SEC14L1: variants seen among roughly 807,000 people sequenced by gnomAD.
SEC14L1 encodes SEC14-like protein 1.
SEC14L1 carries 48 observed loss-of-function variants against 85.3 expected under a neutral mutation model. That is an observed-to-expected ratio of 0.56 (90% CI 0.45 to 0.72). The LOEUF is 0.72. SEC14L1 is among the 30% of genes least tolerant of loss of function. The pLI is 0.00. For synonymous variants in SEC14L1, 391 were observed against 355.5 expected (o/e 1.10, Z -1.12); for missense variants, 682 against 921.4 (o/e 0.74, Z 3.36).
At position 77,206,723 on chromosome 17, in the gene SEC14L1, C is replaced by G; in HGVS notation, c.1342-5C>G. 6.3e-7 allele frequency: 1 copy of G among 1,596,946 alleles called. No homozygotes were observed. The highest frequency in any genetic ancestry group is 8.5e-7 in the Non-Finnish European group (1 of 1,174,004). ...TATGACTGCATGGTCTTCTCCTCCT[C>G]ACAGGTTAGTCCGTTCATTGATGAC... On this transcript the variant is annotated splice_region_variant and splice_polypyrimidine_tract_variant and intron_variant, in intron 12 of 16. Coordinates refer to ENST00000436233, the MANE Select transcript of SEC14L1 (RefSeq NM_001143998.2). This position sits in a 1 kb window ranked among gnomAD's most constrained non-coding sequence, Gnocchi z 4.3.
chr17:77,190,598 T>G (rs1277736363), intron 3 of SEC14L1, among the ~76,000 whole-genome samples: 1 of 152,172 alleles, frequency 6.6e-6, no homozygotes, highest in Non-Finnish European at 1.5e-5. Flanking sequence ...TGGGGAGAAT[T>G]GAGATCTTTA....
intron 7 of SEC14L1, among the ~76,000 whole-genome samples, chr17:77,195,910 A>AT (rs1453778161): frequency 8.5e-5 from 13 of 152,254 alleles, no homozygotes; most frequent in Admixed American, 8.5e-4. Flanking sequence ...TAAAACAGTC[A>AT]TTAATATCTA....
chr17:77,151,613 C>A (rs1334738447), intron 3 of SEC14L1, among the ~76,000 whole-genome samples: 2 of 152,140 alleles, frequency 1.3e-5, no homozygotes, highest in African/African-American at 4.8e-5. Context: ...ACAAACAAAC[C>A]CCAAAACCTT....
chr17:77,183,030 C>G (rs1975106456), intron 3 of SEC14L1, among the ~76,000 whole-genome samples: 2 of 152,214 alleles, frequency 1.3e-5, no homozygotes, highest in South Asian at 2.1e-4. Context: ...TTCGGGCAGA[C>G]CTAAAATTTG....
At chr17:77,136,038 A>G (rs1353741822), upstream of SEC14L1, among the ~76,000 whole-genome samples, 1 of 145,102 alleles carries the variant, frequency 6.9e-6, no homozygotes, top group Non-Finnish European at 1.5e-5. Flanking sequence ...ACGCCCGGCT[A>G]ATTTTTTTTT....
At chr17:77,096,057 T>G (rs1053160928) in intron 3 of SEC14L1, among the ~76,000 whole-genome samples, 8 of 141,744 alleles carry the variant, frequency 5.6e-5, no homozygotes, top group African/African-American at 1.5e-4. Flanking sequence ...CAGTCAGTCT[T>G]TTTTTTTTTT....
chr17:77,213,753 G>T lies in SEC14L1; in HGVS notation c.2043-165G>T. 1.0e-6 allele frequency: 1 copy of T among 957,736 alleles called. No homozygotes were observed. The highest frequency in any genetic ancestry group is 1.6e-6 in the Non-Finnish European group (1 of 614,324). The allele number at this position is 957,736 out of a possible 1,614,324, so 59.3% of individuals were successfully genotyped here. On this transcript the variant is annotated intron_variant, in intron 16 of 16. Coordinates refer to ENST00000436233, the MANE Select transcript of SEC14L1 (RefSeq NM_001143998.2). The surrounding 1 kb of genome is among the most constrained non-coding windows in gnomAD (Gnocchi z 7.1). Reference sequence around the variant, plus strand: ...GTCTGCGTGCAGGCTGTGGGAAGCCGGTCCCCCTGGTGGGTTACTCATGTC... The same window carrying T: ...GTCTGCGTGCAGGCTGTGGGAAGCCTGTCCCCCTGGTGGGTTACTCATGTC...
chr17:77,107,984 T>C (rs1015821863), intron 3 of SEC14L1, among the ~76,000 whole-genome samples: 4 of 152,188 alleles, frequency 2.6e-5, no homozygotes, highest in African/African-American at 9.6e-5. Context: ...GCTCCAGCGA[T>C]CCTCTCACCT....
chr17:77,160,345 G>A (rs1974004733), intron 3 of SEC14L1, among the ~76,000 whole-genome samples: 1 of 152,152 alleles, frequency 6.6e-6, no homozygotes, highest in Admixed American at 6.5e-5. Flanking sequence ...GATCTGAAGG[G>A]GAATATGCAC....
intron 15 of SEC14L1, among the ~76,000 whole-genome samples, chr17:77,212,496 C>A (rs1380162458): frequency 2.0e-5 from 3 of 152,214 alleles, no homozygotes; most frequent in Non-Finnish European, 4.4e-5. Context: ...ATTTTTCCCC[C>A]CCGCCTCATT....
chr17:77,215,747 TTAGTAGGTAGGGCTAGTAGGTAGGGC>T lies in SEC14L1; in HGVS notation c.*1737_*1762del, dbSNP rs1309760061. On this transcript the variant is annotated 3_prime_UTR_variant, in exon 17 of 17. Transcript: ENST00000436233. ...TCGTAGGTAGGGCTAGTAGGTAGGGTTAGTAGGTAGGGCTAGTAGGTAGGGCTAGTAGGTAGGGTTCGTAGGTAGGG... is the reference window on the plus strand; with the variant it reads ...TCGTAGGTAGGGCTAGTAGGTAGGGTTAGTAGGTAGGGTTCGTAGGTAGGG... 1.3e-5 allele frequency: 13 copies of T among 982,896 alleles called. No homozygotes were observed. The highest frequency in any genetic ancestry group is 3.6e-5 in the African/African-American group (2 of 54,806). The allele number at this position is 982,896 out of a possible 1,614,324, so 60.9% of individuals were successfully genotyped here.
intron 2 of SEC14L1, among the ~76,000 whole-genome samples, chr17:77,092,882 A>T (rs1598208224): frequency 7.2e-6 from 1 of 138,880 alleles, no homozygotes; most frequent in Non-Finnish European, 1.5e-5. Flanking sequence ...CGGGAGGCGG[A>T]GGTTGCGGTG....
chr17:77,186,846 C>T (rs148188026), intron 3 of SEC14L1, among the ~76,000 whole-genome samples: 416 of 152,232 alleles, frequency 2.7e-3, no homozygotes, highest in African/African-American at 9.8e-3. Context: ...GCTACTTGTA[C>T]CTTGTCAGAA....
chr17:77,213,240 C>T lies in SEC14L1; in HGVS notation c.1864-74C>T, dbSNP rs1195579748. ...GAAATCCTAAAGACAGTCCCCTTGG[C>T]GCTTGTCAGGCCTGTGGTAGGCCAG... is the stretch of plus-strand genomic sequence containing the variant. On this transcript the variant is annotated intron_variant, in intron 15 of 16. Transcript: ENST00000436233. The surrounding 1 kb of genome is among the most constrained non-coding windows in gnomAD (Gnocchi z 7.1). The T allele has an allele frequency of 4.1e-5, 53 of 1,305,414 alleles. No individual in the cohort carries two copies. Among genetic ancestry groups the T allele is most frequent in the South Asian group, 5.6e-5 (4 of 71,262 alleles). The allele number at this position is 1,305,414 out of a possible 1,614,324, so 80.9% of individuals were successfully genotyped here.
At chr17:77,191,700 G>A (rs1218979165) in intron 5 of SEC14L1, among the ~76,000 whole-genome samples, 2 of 151,920 alleles carry the variant, frequency 1.3e-5, no homozygotes, top group African/African-American at 2.4e-5. Context: ...GCGCCACCAC[G>A]CCAGGCTGAT....
rs764712443 is a variant in SEC14L1, at chr17:77,191,332, G to A, written c.345+20G>A. 1.1e-5 allele frequency: 18 copies of A among 1,613,460 alleles called. No individual in the cohort carries two copies. Among genetic ancestry groups the A allele is most frequent in the African/African-American group, 5.3e-5 (4 of 74,998 alleles). On this transcript the variant is annotated intron_variant, in intron 5 of 16. Transcript: ENST00000436233. ...TACACCGTGAGTAATCTGTCACTCGGCGGAAGATGTTCTGCCGACATATGG... is the reference window on the plus strand; with the variant it reads ...TACACCGTGAGTAATCTGTCACTCGACGGAAGATGTTCTGCCGACATATGG...
chr17:77,150,502 A>G (rs1432313187), intron 3 of SEC14L1, among the ~76,000 whole-genome samples: 1 of 152,364 alleles, frequency 6.6e-6, no homozygotes, highest in African/African-American at 2.4e-5. Context: ...AGGCATTTAT[A>G]TTGAAGCTCT....
At chr17:77,198,314 T>G (rs1220970027) in intron 8 of SEC14L1, among the ~76,000 whole-genome samples, 1 of 152,240 alleles carries the variant, frequency 6.6e-6, no homozygotes, top group African/African-American at 2.4e-5. Flanking sequence ...ATATGGCCAG[T>G]TATGTAAACC....
Position 77,206,216 on chromosome 17 carries a change from G to A in SEC14L1, c.1170-13G>A. Reference sequence around the variant, plus strand: ...TGTCTGTTGAATGAAACACATCTCTGCACAACCTGCAGCTCATGGACCTGC... The same window carrying A: ...TGTCTGTTGAATGAAACACATCTCTACACAACCTGCAGCTCATGGACCTGC... On this transcript the variant is annotated splice_polypyrimidine_tract_variant and intron_variant, in intron 11 of 16. Coordinates refer to ENST00000436233, the MANE Select transcript of SEC14L1 (RefSeq NM_001143998.2). This position sits in a 1 kb window ranked among gnomAD's most constrained non-coding sequence, Gnocchi z 4.3. The A allele has an allele frequency of 6.2e-7, 1 of 1,612,506 alleles. No homozygotes were observed. The highest frequency in any genetic ancestry group is 8.5e-7 in the Non-Finnish European group (1 of 1,178,726).
Sources: gnomAD v4.1 joint callset for allele counts (sites outside exome capture counted in the v4.1 genomes callset) on GRCh38, gnomAD v4.1.1 for gene constraint, Gnocchi (gnomAD v3.1) non-coding constraint, MANE v1.5 for transcripts, NCBI Gene and HGNC (gene_info 2026-07-23, HGNC 2026-07-21) for gene names.